ZNF106: variants seen among roughly 807,000 people sequenced by gnomAD.
The protein encoded by ZNF106 is zinc finger protein 106.
ZNF106 carries 67 observed loss-of-function variants against 195.1 expected under a neutral mutation model. The observed-to-expected ratio is 0.34, with a 90% CI of 0.28 to 0.42. The LOEUF (loss-of-function observed/expected upper bound fraction) is 0.42, where lower values mean the gene tolerates loss of function less well. ZNF106 is among the 10% of genes least tolerant of loss of function. ZNF106 has a pLI of 1.00. For missense variants in ZNF106, 2,118 were observed against 2,304.5 expected (o/e 0.92, Z 1.66); for synonymous variants, 784 against 818.6 (o/e 0.96, Z 0.72).
chr15:42,448,385 GCCCGAGGTGT>G lies in ZNF106; in HGVS notation c.2812_2821del (p.Thr938LeufsTer28). 6.2e-7 allele frequency: 1 copy of G among 1,614,166 alleles called. No homozygotes were observed. Among genetic ancestry groups the G allele is most frequent in the Non-Finnish European group, 8.5e-7 (1 of 1,180,040 alleles). ...CCTTTCACCTGTTCGGAGGGAGGCA[GCCCGAGGTGT>G]CACTTCTTGTTTGAGGTGCATGGTT... is the stretch of plus-strand genomic sequence containing the variant. On this transcript the variant is annotated frameshift_variant, in exon 6 of 22. Transcript: ENST00000564754. LOFTEE classifies it high-confidence loss of function.
intron 15 of ZNF106, among the ~76,000 whole-genome samples, chr15:42,426,563 C>CTT (rs539711765): frequency 1.3e-3 from 145 of 115,698 alleles, no homozygotes; most frequent in Non-Finnish European, 1.7e-3. Flanking sequence ...CCATACTTAG[C>CTT]TTTTTTTTTT....
rs145131699 is a variant in ZNF106, at chr15:42,417,411, G to A, written c.5665-51C>T. On this transcript the variant is annotated intron_variant, in intron 21 of 21. Coordinates refer to ENST00000564754, the MANE Select transcript of ZNF106 (RefSeq NM_001366845.3). ...TGAGAGAGAAGTCGATAGTAAGACA[G>A]GAGAAAGTCAAAGCCAAGGAAAGCC... 254 of 1,607,952 alleles carry A rather than the reference G, an allele frequency of 1.6e-4. No individual in the cohort carries two copies. In the African/African-American group the frequency reaches 3.1e-3, roughly 20 times the overall value.
rs530409009 is a variant in ZNF106 at position 42,484,531 on chromosome 15, G to A, written c.-33+6449C>T. 5.3e-4 allele frequency among the ~76,000 whole-genome samples: 81 copies of A among 152,084 alleles called. 1 individual carries two copies. The highest frequency in any genetic ancestry group is 1.9e-3 in the African/African-American group (78 of 41,482). On this transcript the variant is annotated intron_variant, in intron 1 of 21. Coordinates refer to ENST00000564754, the MANE Select transcript of ZNF106 (RefSeq NM_001366845.3). ...AATCCCAGTACTTTGGGAGGCTGAG[G>A]CAGTTCAAGACCAGCCTGGCCAACA...
In ZNF106 at chr15:42,444,846, A is replaced by C; in HGVS notation, c.3341T>G (p.Leu1114Arg). The C allele has an allele frequency of 6.2e-7, 1 of 1,614,006 alleles. No homozygotes were observed. The highest frequency in any genetic ancestry group is 2.2e-5 in the East Asian group (1 of 44,878). ...TGTTACCTGCTGCTTGAGCATAAGT[A>C]GCCTCTGAACTTCCACATAAGCTGT... is the stretch of plus-strand genomic sequence containing the variant. Reference protein sequence around the residue: ...LQTAYVEVQRLLMLKQQITME... With the variant: ...LQTAYVEVQRRLMLKQQITME... The change falls in exon 8 of 22, where the codon CTA (leucine) becomes CGA (arginine). Residue 1114 changes from leucine (L) to arginine (R), a missense_variant. Coordinates refer to ENST00000564754, the MANE Select transcript of ZNF106 (RefSeq NM_001366845.3).
At chr15:42,418,807 C>G (rs780630303) in intron 20 of ZNF106, among the ~76,000 whole-genome samples, 1 of 152,078 alleles carries the variant, frequency 6.6e-6, no homozygotes, top group Admixed American at 6.5e-5. Flanking sequence ...GGAAGCCTGA[C>G]TTTACTCACA....
intron 4 of ZNF106, among the ~76,000 whole-genome samples, chr15:42,453,067 C>T (rs1478436630): frequency 2.6e-5 from 4 of 152,110 alleles, no homozygotes; most frequent in African/African-American, 4.8e-5. Context: ...TAGGTTCTTT[C>T]TGAAAAACTC....
chr15:42,423,982 C>T lies in ZNF106; in HGVS notation c.5253+16G>A, dbSNP rs749902223. 8 of 1,600,864 alleles carry T rather than the reference C, an allele frequency of 5.0e-6. No individual in the cohort carries two copies. The highest frequency in any genetic ancestry group is 1.3e-5 in the African/African-American group (1 of 74,154). ...TTTTATTCACAGTTTCTTTACACAA[C>T]ACCAACACAGCTTACGTGAATGTTG... On this transcript the variant is annotated intron_variant, in intron 17 of 21. Transcript: ENST00000564754.
Position 42,467,277 on chromosome 15 carries a change from T to C in ZNF106, c.55-1163A>G, listed in dbSNP as rs79069554. On this transcript the variant is annotated intron_variant, in intron 2 of 21. Transcript: ENST00000564754. ...AAAGAATGGCTGTTCACATATATAA[T>C]AATAAAGGGCTACTACACTTGTTGT... Among the ~76,000 whole-genome samples, 108 of 152,340 alleles carry C rather than the reference T, an allele frequency of 7.1e-4. 2 individuals carry two copies. The East Asian group carries it at 0.011, about 15-fold the overall frequency.
intron 1 of ZNF106, among the ~76,000 whole-genome samples, chr15:42,490,748 G>A (rs1459302659): frequency 2.0e-5 from 3 of 152,156 alleles, no homozygotes; most frequent in Non-Finnish European, 4.4e-5. Flanking sequence ...CTGGGGCTGG[G>A]AGCAGAGCTG....
intron 1 of ZNF106, among the ~76,000 whole-genome samples, chr15:42,479,775 G>C (rs183084967): frequency 7.0e-4 from 106 of 152,252 alleles, no homozygotes; most frequent in Non-Finnish European, 2.6e-4. Flanking sequence ...CCGGGGAGTA[G>C]AGGTTGCAGT....
intron 1 of ZNF106, among the ~76,000 whole-genome samples, chr15:42,480,075 C>T (rs2056868457): frequency 6.6e-6 from 1 of 152,132 alleles, no homozygotes; most frequent in Non-Finnish European, 1.5e-5. Flanking sequence ...TCTTGAACTC[C>T]AGGGCTCAAG....
chr15:42,438,770 G>A, intron 11 of ZNF106, 103 bp from the exon 12 acceptor site: 2 of 1,059,732 alleles, frequency 1.9e-6, no homozygotes, highest in Non-Finnish European at 2.8e-6. Flanking sequence ...AATGGGCAAA[G>A]TAGCAATGAT....
At chr15:42,425,099 G>T in intron 15 of ZNF106, 74 bp from the exon 16 acceptor site, 10 of 1,436,424 alleles carry the variant, frequency 7.0e-6, no homozygotes, top group Non-Finnish European at 9.7e-6. Flanking sequence ...CATTACCTTG[G>T]TACAAACTCA....
chr15:42,478,776 T>C (rs1334042395), intron 1 of ZNF106, among the ~76,000 whole-genome samples: 1 of 151,994 alleles, frequency 6.6e-6, no homozygotes, highest in Non-Finnish European at 1.5e-5. Context: ...CCTCTGAAAG[T>C]GCTGGGATTA....
At position 42,417,800 on chromosome 15, in the gene ZNF106, T is replaced by G. The variant is rs62022300; in HGVS notation, c.5664+5A>C. The stretch of plus-strand genomic sequence containing the variant: ...CCAGGCAAACCTCAAGTCCCACTAA[T>G]GTACCTGTTTGGATCCTTTCCTAGC... On this transcript the variant is annotated splice_donor_5th_base_variant and intron_variant, in intron 21 of 21. Coordinates refer to ENST00000564754, the MANE Select transcript of ZNF106 (RefSeq NM_001366845.3). The G allele has an allele frequency of 1.9e-6, 3 of 1,611,728 alleles. No homozygotes were observed. Among genetic ancestry groups the G allele is most frequent in the African/African-American group, 2.7e-5 (2 of 74,916 alleles).
chr15:42,440,998 A>ATAT (rs1302038726), intron 10 of ZNF106, among the ~76,000 whole-genome samples: 2 of 23,558 alleles, frequency 8.5e-5, no homozygotes, highest in African/African-American at 2.5e-4. Context: ...AAAAAAAAAA[A>ATAT]ATATATATAT....
At chr15:42,443,853 T>C (rs62022310) in intron 9 of ZNF106, among the ~76,000 whole-genome samples, 17,892 of 152,042 alleles carry the variant, frequency 0.12, 1,232 homozygotes, top group Non-Finnish European at 0.16. Context: ...ATGCCTGTAA[T>C]CCCAGAACTT....
chr15:42,431,461 TC>T (rs1161285650), intron 14 of ZNF106, among the ~76,000 whole-genome samples: 6 of 150,864 alleles, frequency 4.0e-5, no homozygotes, highest in Non-Finnish European at 8.9e-5. Context: ...GGTGCAAATC[TC>T]AGCTCACTGC....
chr15:42,466,598 T>C (rs1440563740), intron 2 of ZNF106, among the ~76,000 whole-genome samples: 5 of 152,216 alleles, frequency 3.3e-5, no homozygotes, highest in Non-Finnish European at 5.9e-5. Flanking sequence ...TGAATGAATA[T>C]AGATGGATAC....
Sources: allele counts gnomAD v4.1 joint callset (sites outside exome capture counted in the v4.1 genomes callset), GRCh38; gene constraint gnomAD v4.1.1; transcripts MANE v1.5; gene names NCBI Gene and HGNC (gene_info 2026-07-23, HGNC 2026-07-21).